Variants in SND1 observed in about 807,000 individuals in gnomAD.
The protein encoded by SND1 is staphylococcal nuclease domain-containing protein 1.
In SND1, 38 loss-of-function variants were observed where a neutral mutation model predicts 121.7. The observed-to-expected ratio is 0.31, with a 90% CI of 0.24 to 0.41. The LOEUF (loss-of-function observed/expected upper bound fraction) is 0.41. Among genes scored for constraint, SND1 ranks in the 10% least tolerant of loss-of-function variants. SND1 has a pLI of 1.00. For synonymous variants in SND1, 401 were observed against 447.4 expected (o/e 0.90, Z 1.31); for missense variants, 868 against 1,184.6 (o/e 0.73, Z 3.92).
chr7:127,892,589 C>T (rs1410468591), intron 13 of SND1, among the ~76,000 whole-genome samples: 2 of 152,140 alleles, frequency 1.3e-5, no homozygotes, highest in African/African-American at 2.4e-5. Flanking sequence ...CAAAAGGCGG[C>T]CTTTCGGCCT....
intron 12 of SND1, among the ~76,000 whole-genome samples, chr7:127,869,361 G>T (rs1799536634): frequency 6.6e-6 from 1 of 152,154 alleles, no homozygotes; most frequent in Non-Finnish European, 1.5e-5. Flanking sequence ...GGCTGTACAT[G>T]GCCTTTGCTT....
chr7:127,655,341 T>G lies in SND1; in HGVS notation c.78+2890T>G, dbSNP rs184039371. Among the ~76,000 whole-genome samples, 190 of 152,334 alleles carry G rather than the reference T, an allele frequency of 1.2e-3. 1 individual carries two copies. Among genetic ancestry groups the G allele is most frequent in the African/African-American group, 4.5e-3 (187 of 41,572 alleles). ...TTGGGAATCCAGTTGTAAAACACTTTGACCAATTTTTAAAAAACGAGGGTG... is the reference window on the plus strand; with the variant it reads ...TTGGGAATCCAGTTGTAAAACACTTGGACCAATTTTTAAAAAACGAGGGTG... On this transcript the variant is annotated intron_variant, in intron 1 of 23. Coordinates refer to ENST00000354725, the MANE Select transcript of SND1 (RefSeq NM_014390.4).
At chr7:127,859,123 TG>T (rs200044497) in intron 12 of SND1, among the ~76,000 whole-genome samples, 6 of 152,082 alleles carry the variant, frequency 3.9e-5, no homozygotes, top group South Asian at 2.1e-4. Context: ...TGTGTTTGCA[TG>T]GGGGGGTGGT....
intron 10 of SND1, among the ~76,000 whole-genome samples, chr7:127,746,190 C>CT (rs1258421991): frequency 6.6e-6 from 1 of 152,120 alleles, no homozygotes; most frequent in Non-Finnish European, 1.5e-5. Flanking sequence ...CTTAGAACTC[C>CT]TTTTTTACTT....
chr7:128,030,353 G>GCGGAAGGTGT, intron 16 of SND1: 1 of 1,614,052 alleles, frequency 6.2e-7, no homozygotes, highest in Non-Finnish European at 8.5e-7. Flanking sequence ...GGTGGAGGTG[G>GCGGAAGGTGT]CGGAAGGTGT....
chr7:128,069,916 G>A (rs1793379149), intron 16 of SND1, among the ~76,000 whole-genome samples: 1 of 152,120 alleles, frequency 6.6e-6, no homozygotes, highest in South Asian at 2.1e-4. Context: ...GCATTCAGAG[G>A]GTGATTCATG....
chr7:127,707,710 A>G (rs946359932), intron 9 of SND1, 63 bp downstream of exon 9: 119 of 1,383,276 alleles, frequency 8.6e-5, no homozygotes, highest in Middle Eastern at 1.8e-4. Context: ...ATAATACAAG[A>G]ATTTGAACAA....
At chr7:127,968,481 A>C (rs1409700252) in intron 15 of SND1, among the ~76,000 whole-genome samples, 1 of 152,156 alleles carries the variant, frequency 6.6e-6, no homozygotes, top group Non-Finnish European at 1.5e-5. Flanking sequence ...GCTCCCATTG[A>C]GTTTCTTTTT....
chr7:128,055,434 C>G (rs1263003814), intron 16 of SND1, among the ~76,000 whole-genome samples: 1 of 152,096 alleles, frequency 6.6e-6, no homozygotes, highest in African/African-American at 2.4e-5. Flanking sequence ...GAAATGGGAA[C>G]CTATTGGCCT....
At position 127,856,594 on chromosome 7, in the gene SND1, T is replaced by A. The variant is rs1043345136; in HGVS notation, c.1343+12170T>A. 1.5e-4 allele frequency among the ~76,000 whole-genome samples: 23 copies of A among 152,134 alleles called. 1 individual carries two copies. Among genetic ancestry groups the A allele is most frequent in the Non-Finnish European group, 4.4e-5 (3 of 68,018 alleles). On this transcript the variant is annotated intron_variant, in intron 12 of 23. Transcript: ENST00000354725. ...AGAGCATTAGCTTCATAAAGGGAGG[T>A]GGACTGCCTTCTATCAGATTTCCAT...
intron 17 of SND1, 76 bp downstream of exon 17, chr7:128,074,766 A>ACTTCCTCCTGTTCT: frequency 1.4e-6 from 2 of 1,391,294 alleles, no homozygotes; most frequent in Non-Finnish European, 9.8e-7. Flanking sequence ...CCTCCAGAGA[A>ACTTCCTCCTGTTCT]CAGGAGGAAG....
At chr7:127,792,468 T>G (rs1797928079) in intron 10 of SND1, among the ~76,000 whole-genome samples, 1 of 151,980 alleles carries the variant, frequency 6.6e-6, no homozygotes, top group South Asian at 2.1e-4. Flanking sequence ...AGAACATAAT[T>G]TAAGAGATGA....
At chr7:127,759,099 T>TAGGC (rs1554422147) in intron 10 of SND1, among the ~76,000 whole-genome samples, 12 of 152,020 alleles carry the variant, frequency 7.9e-5, no homozygotes, top group African/African-American at 1.9e-4. Context: ...GATAGATAGA[T>TAGGC]AGGCAGGCAG....
At chr7:127,701,496 C>T (rs1012479736) in intron 5 of SND1, among the ~76,000 whole-genome samples, 173 bp downstream of exon 5, 4 of 138,138 alleles carry the variant, frequency 2.9e-5, no homozygotes, top group Non-Finnish European at 3.1e-5. Context: ...AATTTGGACT[C>T]AGTTCATGTA....
chr7:127,673,938 T>G (rs1489547639), intron 1 of SND1, among the ~76,000 whole-genome samples: 2 of 152,158 alleles, frequency 1.3e-5, no homozygotes, highest in African/African-American at 4.8e-5. Flanking sequence ...CAGCTGTTTC[T>G]TCAAGAAGCC....
intron 11 of SND1, among the ~76,000 whole-genome samples, chr7:127,832,557 A>G (rs1266523026): frequency 6.6e-6 from 1 of 152,220 alleles, no homozygotes; most frequent in Non-Finnish European, 1.5e-5. Context: ...TTCTTCATAG[A>G]AAAATTCTGT....
intron 15 of SND1, among the ~76,000 whole-genome samples, chr7:127,943,979 G>T (rs371031933): frequency 1.3e-5 from 2 of 152,186 alleles, no homozygotes; most frequent in South Asian, 4.1e-4. Flanking sequence ...GCTCGACTGC[G>T]TTCCCTCAGC....
chr7:127,654,554 T>G (rs1369082044), intron 1 of SND1, among the ~76,000 whole-genome samples: 1 of 152,212 alleles, frequency 6.6e-6, no homozygotes, highest in Non-Finnish European at 1.5e-5. Context: ...AAAGTGAAGC[T>G]GTCTATAATT....
At chr7:127,735,986 C>T (rs1796770370) in intron 10 of SND1, among the ~76,000 whole-genome samples, 1 of 152,162 alleles carries the variant, frequency 6.6e-6, no homozygotes, top group Non-Finnish European at 1.5e-5. Flanking sequence ...TGGCAATGAT[C>T]TCATGGTTTA....
Sources: allele counts gnomAD v4.1 joint callset (sites outside exome capture counted in the v4.1 genomes callset), GRCh38; gene constraint gnomAD v4.1.1; transcripts MANE v1.5; gene names NCBI Gene and HGNC (gene_info 2026-07-23, HGNC 2026-07-21).